The following PHACTR3 variants were observed in gnomAD, a reference collection of about 807,000 sequenced individuals.
The protein encoded by PHACTR3 is protein phosphatase 1, regulatory subunit 123.
PHACTR3 carries 16 observed loss-of-function variants against 66.8 expected under a neutral mutation model. The observed-to-expected ratio is 0.24, with a 90% CI of 0.16 to 0.36. The LOEUF (loss-of-function observed/expected upper bound fraction) is 0.36, where lower values mean the gene tolerates loss of function less well. Ranked by LOEUF, PHACTR3 falls within the 10% of genes least tolerant of loss-of-function variation. PHACTR3 has a pLI of 1.00. For synonymous variants in PHACTR3, 323 were observed against 292.1 expected (o/e 1.11, Z -1.08); for missense variants, 647 against 719.9 (o/e 0.90, Z 1.16).
At chr20:59,782,732 A>T (rs750457716) in intron 7 of PHACTR3, among the ~76,000 whole-genome samples, 1 of 152,204 alleles carries the variant, frequency 6.6e-6, no homozygotes, top group Non-Finnish European at 1.5e-5. Context: ...CCATGATTCA[A>T]TTATCTCCCA....
chr20:59,814,617 T>C (rs1226851667), intron 8 of PHACTR3, among the ~76,000 whole-genome samples: 1 of 152,154 alleles, frequency 6.6e-6, no homozygotes, highest in Non-Finnish European at 1.5e-5. Flanking sequence ...TACGGTCCTG[T>C]ACTTCCTGTT....
At chr20:59,822,646 C>A (rs1174917320) in intron 8 of PHACTR3, among the ~76,000 whole-genome samples, 2 of 152,122 alleles carry the variant, frequency 1.3e-5, no homozygotes, top group African/African-American at 4.8e-5. Flanking sequence ...GTGCGCCTGT[C>A]TTTTCTTAAA....
chr20:59,641,918 A>G (rs1371543906), intron 1 of PHACTR3, among the ~76,000 whole-genome samples: 1 of 152,186 alleles, frequency 6.6e-6, no homozygotes, highest in African/African-American at 2.4e-5. Context: ...TTTAAAGTCA[A>G]TTAAACCTCC....
At chr20:59,845,651 CATTT>C (rs921998884) in intron 12 of PHACTR3, among the ~76,000 whole-genome samples, 3 of 152,176 alleles carry the variant, frequency 2.0e-5, no homozygotes, top group Admixed American at 1.3e-4. Flanking sequence ...CCCACCTTCA[CATTT>C]ACTTTTTCCT....
In PHACTR3 at chr20:59,806,144, T is replaced by C. The variant is rs771209183; in HGVS notation, c.1278T>C (p.Thr426=). ...LEDRNIFPRR[T]DEERQEIRQQ... ...ACCGGAACATTTTCCCCAGAAGGACTGATGAAGAAAGACAGGAGATCCGGC... is the reference window on the plus strand; with the variant it reads ...ACCGGAACATTTTCCCCAGAAGGACCGATGAAGAAAGACAGGAGATCCGGC... Residue 426 remains threonine (T), a synonymous_variant, in exon 8 of 13, where the codon ACT becomes ACC. Transcript: ENST00000371015. 6.2e-7 allele frequency: 1 copy of C among 1,614,202 alleles called. No individual in the cohort carries two copies. The highest frequency in any genetic ancestry group is 8.5e-7 in the Non-Finnish European group (1 of 1,180,042).
At chr20:59,613,521 G>A (rs1024914817) in intron 1 of PHACTR3, among the ~76,000 whole-genome samples, 15 of 152,212 alleles carry the variant, frequency 9.9e-5, no homozygotes, top group African/African-American at 3.1e-4. Flanking sequence ...GGGAGCCTGG[G>A]AAGTGTAGCT....
chr20:59,800,679 G>A (rs1265256305), intron 7 of PHACTR3, among the ~76,000 whole-genome samples: 3 of 152,106 alleles, frequency 2.0e-5, no homozygotes, highest in Admixed American at 6.5e-5. Flanking sequence ...GCCTTTTCCT[G>A]CTTCTTTGCA....
intron 7 of PHACTR3, among the ~76,000 whole-genome samples, chr20:59,802,500 T>C (rs2041442462): frequency 6.6e-6 from 1 of 152,278 alleles, no homozygotes; most frequent in South Asian, 2.1e-4. Context: ...TGTGCTTGAG[T>C]ACAGAGTCTG....
intron 1 of PHACTR3, among the ~76,000 whole-genome samples, chr20:59,686,443 A>G (rs1215925513): frequency 6.6e-6 from 1 of 152,240 alleles, no homozygotes; most frequent in Non-Finnish European, 1.5e-5. Context: ...TGCCCACCAC[A>G]TAGTAATTTC....
chr20:59,686,545 GTGA>G (rs2036867958), intron 1 of PHACTR3, among the ~76,000 whole-genome samples: 1 of 149,274 alleles, frequency 6.7e-6, no homozygotes, highest in Non-Finnish European at 1.5e-5. Flanking sequence ...GATGATGGTC[GTGA>G]TGATGATGGT....
rs765373916 is a variant in PHACTR3, at chr20:59,774,382, G to A, written c.1066G>A (p.Ala356Thr). ...GGCATTGGAGAACAAGCGAACTGCC[G>A]CTAAGGAATCTGAGGAGAACAAGGA... The part of the protein sequence containing the change: ...DGALENKRTA[A>T]KESEENKENL... The change falls in exon 7 of 13, where the codon GCT becomes ACT. Residue 356 changes from alanine (A) to threonine (T), a missense_variant. By Grantham distance (58) the Ala-to-Thr change is moderately conservative (BLOSUM62 0). Transcript: ENST00000371015. The A allele has an allele frequency of 2.7e-5, 44 of 1,614,030 alleles. 1 individual carries two copies. Among genetic ancestry groups the A allele is most frequent in the Middle Eastern group, 3.3e-4 (2 of 6,084 alleles).
intron 1 of PHACTR3, among the ~76,000 whole-genome samples, chr20:59,661,055 T>C (rs1039263724): frequency 1.3e-5 from 2 of 152,210 alleles, no homozygotes; most frequent in African/African-American, 4.8e-5. Flanking sequence ...AATGTCTGTT[T>C]CAGAATTTTA....
intron 7 of PHACTR3, among the ~76,000 whole-genome samples, chr20:59,775,129 C>T (rs377555612): frequency 7.3e-5 from 11 of 151,164 alleles, no homozygotes; most frequent in Admixed American, 2.6e-4. Context: ...CTCCGGGGCT[C>T]GGGACGATAG....
intron 5 of PHACTR3, among the ~76,000 whole-genome samples, chr20:59,773,024 G>GGTTGCT (rs1171102875): frequency 6.6e-6 from 1 of 152,160 alleles, no homozygotes; most frequent in African/African-American, 2.4e-5. Flanking sequence ...CCTGCAGGGA[G>GGTTGCT]GATGCTGGTG....
At chr20:59,648,725 G>A (rs1601004206) in intron 1 of PHACTR3, among the ~76,000 whole-genome samples, 1 of 152,146 alleles carries the variant, frequency 6.6e-6, no homozygotes, top group Admixed American at 6.5e-5. Context: ...ATGTCCTTTT[G>A]GCACTAATTA....
At chr20:59,797,519 G>A (rs537574772) in intron 7 of PHACTR3, among the ~76,000 whole-genome samples, 7 of 152,234 alleles carry the variant, frequency 4.6e-5, no homozygotes, top group South Asian at 2.1e-4. Flanking sequence ...GGGACCTAGG[G>A]TGTCAGTAGG....
chr20:59,622,400 A>G (rs1329213554), intron 1 of PHACTR3, among the ~76,000 whole-genome samples: 9 of 152,140 alleles, frequency 5.9e-5, no homozygotes, highest in Middle Eastern at 3.2e-3. Flanking sequence ...TGGGGTGGGT[A>G]TGAGTTCCAG....
intron 8 of PHACTR3, among the ~76,000 whole-genome samples, chr20:59,831,617 C>T (rs1398535246): frequency 1.3e-5 from 2 of 152,158 alleles, no homozygotes; most frequent in Admixed American, 1.3e-4. Flanking sequence ...GTTCTACACC[C>T]CCACCTACCC....
intron 3 of PHACTR3, among the ~76,000 whole-genome samples, chr20:59,751,955 A>G (rs967888901): frequency 1.3e-5 from 2 of 152,010 alleles, no homozygotes; most frequent in Non-Finnish European, 2.9e-5. Flanking sequence ...GACACTGTTT[A>G]TGTTCTGAAT....
Sources: gnomAD v4.1 joint callset for allele counts (sites outside exome capture counted in the v4.1 genomes callset) on GRCh38, gnomAD v4.1.1 for gene constraint, MANE v1.5 for transcripts, NCBI Gene and HGNC (gene_info 2026-07-23, HGNC 2026-07-21) for gene names.